UNC5B: variants seen among roughly 807,000 people sequenced by gnomAD.
The protein encoded by UNC5B is unc-5 netrin receptor B, also known as netrin receptor UNC5B.
In UNC5B, 56 loss-of-function variants were observed where a neutral mutation model predicts 103.7. The ratio of observed to expected loss-of-function variants is 0.54; its 90% CI spans 0.44 to 0.67. UNC5B has a LOEUF of 0.67. Ranked by LOEUF, UNC5B falls within the 30% of genes least tolerant of loss-of-function variation. The probability of loss-of-function intolerance (pLI) is 0.00; values close to 1 mark genes in which losing one functional copy is unlikely to be tolerated. For synonymous variants in UNC5B, 577 were observed against 542.0 expected (o/e 1.06, Z -0.90); for missense variants, 1,194 against 1,284.5 (o/e 0.93, Z 1.08).
Position 71,296,459 on chromosome 10 carries a change from A to G in UNC5B, c.2326-119A>G, listed in dbSNP as rs921744123. 5.9e-6 allele frequency: 7 copies of G among 1,181,250 alleles called. No individual in the cohort carries two copies. The African/African-American group carries it at 7.7e-5, about 13-fold the overall frequency. 73.2% of individuals were successfully genotyped at this position (1,181,250 alleles called of 1,614,324 possible). A position where few individuals can be genotyped will look rare whatever the true frequency, so the allele number is the denominator to read the frequency against. ...AGCTTAGGGCACTTGACCCCTCCCT[A>G]TCTGGGTGGAGAGGCCTGAACTGCC... is the stretch of plus-strand genomic sequence containing the variant. On this transcript the variant is annotated intron_variant, in intron 14 of 16. Transcript: ENST00000335350.
chr10:71,295,888 C>T lies in UNC5B; in HGVS notation c.2253C>T (p.Tyr751=), dbSNP rs775401166. Residue 751 remains tyrosine, a synonymous_variant, in exon 14 of 17, where the codon TAC becomes TAT. Coordinates refer to ENST00000335350, the MANE Select transcript of UNC5B (RefSeq NM_170744.5). ...AACCGCTAATGTTCAAGGACAGTTA[C>T]CACAACCTGCGCCTCTCCCTCCATG... ...EPKPLMFKDS[Y]HNLRLSLHDL... 2.0e-5 allele frequency: 33 copies of T among 1,613,254 alleles called. No individual in the cohort carries two copies. The East Asian group carries it at 7.3e-4, about 36-fold the overall frequency.
chr10:71,280,043 C>T lies in UNC5B; in HGVS notation c.302C>T (p.Thr101Ile), dbSNP rs1377286703. ...HVTQEGLDEA[T>I]GLRVREVQIE... Reference sequence around the variant, plus strand: ...ACACAGGAAGGCCTGGATGAGGCCACCGGTGAGCCCGCCCCACTTGCCTGG... The same window carrying T: ...ACACAGGAAGGCCTGGATGAGGCCATCGGTGAGCCCGCCCCACTTGCCTGG... Residue 101 changes from threonine (T) to isoleucine (I), a missense_variant and splice_region_variant, in exon 2 of 17, where the codon ACC becomes ATC. Thr to Ile is a moderately conservative substitution (Grantham distance 89). Transcript: ENST00000335350. 2 of 1,613,458 alleles carry T rather than the reference C, an allele frequency of 1.2e-6. No individual in the cohort carries two copies. The highest frequency in any genetic ancestry group is 1.7e-6 in the Non-Finnish European group (2 of 1,179,958).
intron 1 of UNC5B, among the ~76,000 whole-genome samples, chr10:71,265,423 T>A (rs971911061): frequency 6.6e-6 from 1 of 152,104 alleles, no homozygotes; most frequent in African/African-American, 2.4e-5. Flanking sequence ...TGGCCTGCCC[T>A]GTCTAGCAGG....
chr10:71,239,557 G>A (rs1402142931), intron 1 of UNC5B, among the ~76,000 whole-genome samples: 3 of 152,152 alleles, frequency 2.0e-5, no homozygotes, highest in Non-Finnish European at 4.4e-5. Flanking sequence ...GTGCATGTTA[G>A]TCAAAAGGTC....
chr10:71,255,390 A>T (rs1185861987), intron 1 of UNC5B, among the ~76,000 whole-genome samples: 1 of 152,234 alleles, frequency 6.6e-6, no homozygotes, highest in Non-Finnish European at 1.5e-5. Context: ...AAGTCCCAGC[A>T]GTTGTTCATG....
intron 11 of UNC5B, 109 bp from the exon 12 acceptor site, chr10:71,293,296 A>G: frequency 1.5e-6 from 2 of 1,292,228 alleles, no homozygotes; most frequent in South Asian, 1.5e-5. Context: ...TGAGTGGCAA[A>G]GAGCTGCCCT....
chr10:71,297,943 C>T lies in UNC5B; in HGVS notation c.2525C>T (p.Ala842Val). 2.5e-6 allele frequency: 4 copies of T among 1,613,762 alleles called. No homozygotes were observed. Among genetic ancestry groups the T allele is most frequent in the Non-Finnish European group, 3.4e-6 (4 of 1,179,874 alleles). The change falls in exon 16 of 17, where the codon GCC becomes GTC. Residue 842 changes from alanine to valine, a missense_variant. Ala to Val is a moderately conservative substitution (Grantham distance 64, BLOSUM62 0). Coordinates refer to ENST00000335350, the MANE Select transcript of UNC5B (RefSeq NM_170744.5). ...GGCTCCCTGGACACTCTCTGCTCTG[C>T]CCCTGGCAGCACTGTCACCACCCAG... ...PAGSLDTLCS[A>V]PGSTVTTQLG...
At chr10:71,253,140 G>C (rs1844213335) in intron 1 of UNC5B, among the ~76,000 whole-genome samples, 1 of 152,114 alleles carries the variant, frequency 6.6e-6, no homozygotes, top group Non-Finnish European at 1.5e-5. Flanking sequence ...GTGGACTCTG[G>C]GTCTGCACCC....
intron 1 of UNC5B, among the ~76,000 whole-genome samples, chr10:71,262,801 C>T (rs1844442019): frequency 6.6e-6 from 1 of 152,188 alleles, no homozygotes; most frequent in Non-Finnish European, 1.5e-5. Flanking sequence ...CAGGACCCTC[C>T]CCCAGAACCC....
intron 8 of UNC5B, among the ~76,000 whole-genome samples, chr10:71,289,937 A>G (rs1235891992): frequency 6.6e-6 from 1 of 152,208 alleles, no homozygotes. Flanking sequence ...CAGAGGAAGC[A>G]GGGCTACTTC....
intron 13 of UNC5B, among the ~76,000 whole-genome samples, chr10:71,294,256 A>C (rs1194127575): frequency 6.6e-6 from 1 of 152,228 alleles, no homozygotes; most frequent in African/African-American, 2.4e-5. Context: ...TAGGAGTTTC[A>C]GCAGAAAGGA....
At chr10:71,279,754 G>A in intron 1 of UNC5B, 67 bp from the exon 2 acceptor site, 1 of 1,524,488 alleles carries the variant, frequency 6.6e-7, no homozygotes. Flanking sequence ...GGCCCCCGGG[G>A]TGGGCGAGGG....
Position 71,267,314 on chromosome 10 carries a change from G to A in UNC5B, c.80-12507G>A, listed in dbSNP as rs1045065346. On this transcript the variant is annotated intron_variant, in intron 1 of 16. Transcript: ENST00000335350. ...ACCAACGCATTTCACCTCAAGAAGC[G>A]CATGGGATTATAAGAGCCTGGAGAT... Among the ~76,000 whole-genome samples the A allele has an allele frequency of 3.9e-5, 6 of 152,162 alleles. No homozygotes were observed. In the East Asian group the frequency reaches 7.7e-4, roughly 20 times the overall value.
intron 1 of UNC5B, among the ~76,000 whole-genome samples, chr10:71,239,531 A>AT (rs1843847901): frequency 6.6e-6 from 1 of 152,146 alleles, no homozygotes; most frequent in African/African-American, 2.4e-5. Context: ...TAATAGTTCC[A>AT]GCCTCATGGG....
At chr10:71,235,073 T>TCGCTGC (rs1405989988) in intron 1 of UNC5B, among the ~76,000 whole-genome samples, 2 of 150,064 alleles carry the variant, frequency 1.3e-5, no homozygotes, top group African/African-American at 2.4e-5. Flanking sequence ...ATTGCAGGAC[T>TCGCTGC]CGCTGCCGCT....
At chr10:71,218,769 C>T (rs1843391003) in intron 1 of UNC5B, among the ~76,000 whole-genome samples, 1 of 152,336 alleles carries the variant, frequency 6.6e-6, no homozygotes, top group South Asian at 2.1e-4. Context: ...CCTGGGTCAG[C>T]TTATGCTTCA....
rs898517832 is a variant in UNC5B at position 71,295,972 on chromosome 10, G to A, written c.2325+12G>A. Reference sequence around the variant, plus strand: ...TGGCCAAATACCAGGTGAGGGCTGGGCTGATGGATGGGGAGGGGCACCACT... The same window carrying A: ...TGGCCAAATACCAGGTGAGGGCTGGACTGATGGATGGGGAGGGGCACCACT... On this transcript the variant is annotated intron_variant, in intron 14 of 16. Transcript: ENST00000335350. 6.8e-6 allele frequency: 11 copies of A among 1,612,370 alleles called. No homozygotes were observed. Among genetic ancestry groups the A allele is most frequent in the Non-Finnish European group, 9.3e-6 (11 of 1,179,996 alleles).
intron 1 of UNC5B, among the ~76,000 whole-genome samples, chr10:71,220,206 G>A (rs1843426062): frequency 6.6e-6 from 1 of 152,186 alleles, no homozygotes; most frequent in Non-Finnish European, 1.5e-5. Flanking sequence ...CCTTCTTCTT[G>A]GATCTCTCTG....
chr10:71,233,774 A>G (rs1053535849), intron 1 of UNC5B, among the ~76,000 whole-genome samples: 19 of 152,192 alleles, frequency 1.2e-4, no homozygotes, highest in African/African-American at 4.8e-5. Flanking sequence ...AATCCCCAGC[A>G]CCAGACAGAA....
Sources: allele counts gnomAD v4.1 joint callset (sites outside exome capture counted in the v4.1 genomes callset), GRCh38; gene constraint gnomAD v4.1.1; transcripts MANE v1.5; gene names NCBI Gene and HGNC (gene_info 2026-07-23, HGNC 2026-07-21).